The following FAM78B variants were observed in gnomAD, a reference collection of about 807,000 sequenced individuals.
FAM78B encodes the protein protein FAM78B.
In FAM78B, 10 loss-of-function variants were observed where a neutral mutation model predicts 20.0. The observed-to-expected ratio is 0.50, with a 90% confidence interval of 0.31 to 0.85. The LOEUF is 0.85. Ranked by LOEUF, FAM78B falls within the 40% of genes least tolerant of loss-of-function variation. The pLI is 0.05. For missense variants in FAM78B, 283 were observed against 345.0 expected (o/e 0.82, Z 1.42); for synonymous variants, 135 against 132.8 (o/e 1.02, Z -0.12).
At chr1:166,091,505 T>C (rs1653072021) in intron 1 of FAM78B, among the ~76,000 whole-genome samples, 2 of 152,338 alleles carry the variant, frequency 1.3e-5, no homozygotes, top group East Asian at 3.9e-4. Flanking sequence ...CCTTCCACCA[T>C]GATTGTGAAG....
At chr1:166,115,580 T>C (rs73041244) in intron 1 of FAM78B, among the ~76,000 whole-genome samples, 81 of 152,320 alleles carry the variant, frequency 5.3e-4, no homozygotes, top group African/African-American at 1.9e-3. Flanking sequence ...GGGGATGTCC[T>C]AGGGCCTGAG....
chr1:166,143,867 TTTA>T (rs1202909076), intron 1 of FAM78B, among the ~76,000 whole-genome samples: 1 of 152,060 alleles, frequency 6.6e-6, no homozygotes, highest in African/African-American at 2.4e-5. Context: ...GAGCAACTCT[TTTA>T]GTCTTTACCC....
At position 166,096,858 on chromosome 1, in the gene FAM78B, G is replaced by A. The variant is rs560428966; in HGVS notation, c.264-26095C>T. On this transcript the variant is annotated intron_variant, in intron 1 of 1. Coordinates refer to ENST00000354422, the MANE Select transcript of FAM78B (RefSeq NM_001017961.5). ...AGAATGGGGCGAGGGGAGAGAGATC[G>A]TGGTGGATGGCAGGCAAGACTAGAT... is the stretch of plus-strand genomic sequence containing the variant. 4.6e-5 allele frequency among the ~76,000 whole-genome samples: 7 copies of A among 152,310 alleles called. No individual in the cohort carries two copies. In the East Asian group the frequency reaches 7.7e-4, roughly 17 times the overall value.
intron 1 of FAM78B, among the ~76,000 whole-genome samples, chr1:166,161,065 G>T (rs1477226818): frequency 2.0e-5 from 3 of 152,222 alleles, no homozygotes; most frequent in Non-Finnish European, 4.4e-5. Flanking sequence ...GAAACGTTCT[G>T]AGTTGGGATA....
chr1:166,154,651 G>C (rs1360173429), intron 1 of FAM78B: 1 of 503,064 alleles, frequency 2.0e-6, no homozygotes, highest in African/African-American at 1.9e-5. Flanking sequence ...GCAGGGGCAG[G>C]CAGTGATGAA....
rs189213887 is a variant in FAM78B, at chr1:166,140,023, T to C, written c.263+25963A>G. Among the ~76,000 whole-genome samples the C allele has an allele frequency of 2.5e-3, 382 of 152,368 alleles. 2 individuals are homozygous for C. Among genetic ancestry groups the C allele is most frequent in the African/African-American group, 8.2e-3 (339 of 41,594 alleles). ...GAGGGAGAGGGTAAAGGCAGGTTTC[T>C]GCAGACCTTTTCAGAAGACTGCTTC... On this transcript the variant is annotated intron_variant, in intron 1 of 1. Transcript: ENST00000354422.
chr1:166,132,853 TGA>T (rs1654924765), intron 1 of FAM78B, among the ~76,000 whole-genome samples: 1 of 152,192 alleles, frequency 6.6e-6, no homozygotes, highest in African/African-American at 2.4e-5. Context: ...TACCAGCTTA[TGA>T]GTGTGACAAA....
intron 1 of FAM78B, among the ~76,000 whole-genome samples, chr1:166,121,566 C>T (rs1406030992): frequency 1.3e-5 from 2 of 152,168 alleles, no homozygotes; most frequent in African/African-American, 4.8e-5. Context: ...AGAGCAGGGC[C>T]CTCTAAAGCA....
At chr1:166,058,989 T>A (rs974713701) in exon 3 of FAM78B, 2 of 152,612 alleles carry the variant, frequency 1.3e-5, no homozygotes, top group African/African-American at 2.4e-5. Context: ...CTCAGGTGGC[T>A]CTGCAGAAAT....
At chr1:166,124,032 A>G (rs932574732) in intron 1 of FAM78B, among the ~76,000 whole-genome samples, 4 of 152,186 alleles carry the variant, frequency 2.6e-5, no homozygotes, top group Non-Finnish European at 4.4e-5. Context: ...GATGAGGACA[A>G]AAGCCCCTCA....
chr1:166,143,893 C>T (rs1655366217), intron 1 of FAM78B, among the ~76,000 whole-genome samples: 1 of 152,286 alleles, frequency 6.6e-6, no homozygotes, highest in South Asian at 2.1e-4. Context: ...ACCCTATGAA[C>T]CACAGTGTGT....
intron 1 of FAM78B, among the ~76,000 whole-genome samples, chr1:166,091,269 G>A (rs1210543893): frequency 1.3e-5 from 2 of 152,078 alleles, no homozygotes; most frequent in Non-Finnish European, 2.9e-5. Flanking sequence ...CAAGAAGGAT[G>A]GTGATATGGT....
chr1:166,160,612 A>G (rs1656109107), intron 1 of FAM78B, among the ~76,000 whole-genome samples: 1 of 152,252 alleles, frequency 6.6e-6, no homozygotes, highest in Non-Finnish European at 1.5e-5. Context: ...TCTTGGGTTC[A>G]AGATCTTTGT....
At chr1:166,129,613 CTCT>C (rs1484303092) in intron 1 of FAM78B, among the ~76,000 whole-genome samples, 1 of 152,186 alleles carries the variant, frequency 6.6e-6, no homozygotes, top group African/African-American at 2.4e-5. Flanking sequence ...CTGGTTCCTC[CTCT>C]TGTCTTCTCC....
intron 1 of FAM78B, among the ~76,000 whole-genome samples, chr1:166,089,992 TTATA>T (rs796731310): frequency 4.6e-5 from 7 of 152,234 alleles, no homozygotes; most frequent in African/African-American, 1.7e-4. Flanking sequence ...CTGGCAGCAA[TTATA>T]AAGTTGAACA....
At position 166,104,733 on chromosome 1, in the gene FAM78B, T is replaced by C. The variant is rs183426387; in HGVS notation, c.264-33970A>G. On this transcript the variant is annotated intron_variant, in intron 1 of 1. Coordinates refer to ENST00000354422, the MANE Select transcript of FAM78B (RefSeq NM_001017961.5). ...TACAAACAAATGGAAGAACATTCCA[T>C]GCTCATGGGTAGGAAGAATCAACAT... Among the ~76,000 whole-genome samples the C allele has an allele frequency of 3.2e-3, 482 of 152,342 alleles. 3 individuals are homozygous for C. The highest frequency in any genetic ancestry group is 0.011 in the African/African-American group (456 of 41,578).
At chr1:166,089,383 A>C (rs1486698562) in intron 1 of FAM78B, among the ~76,000 whole-genome samples, 1 of 152,176 alleles carries the variant, frequency 6.6e-6, no homozygotes, top group Non-Finnish European at 1.5e-5. Flanking sequence ...AGCGTGTATG[A>C]AGAGTGAATG....
intron 1 of FAM78B, among the ~76,000 whole-genome samples, chr1:166,099,882 A>T (rs1653441566): frequency 6.6e-6 from 1 of 152,230 alleles, no homozygotes; most frequent in Admixed American, 6.5e-5. Flanking sequence ...ACAGAAAGTC[A>T]ACAAAGAAAC....
chr1:166,058,302 G>A (rs1170845870), exon 3 of FAM78B: 2 of 152,230 alleles, frequency 1.3e-5, no homozygotes, highest in Non-Finnish European at 2.9e-5. Flanking sequence ...CAGAGAGTAG[G>A]ACCCTGAGAG....
Sources: gnomAD v4.1 joint callset for allele counts (sites outside exome capture counted in the v4.1 genomes callset) on GRCh38, gnomAD v4.1.1 for gene constraint, MANE v1.5 for transcripts, NCBI Gene and HGNC (gene_info 2026-07-23, HGNC 2026-07-21) for gene names.